MTDH: variants seen among roughly 807,000 people sequenced by gnomAD.
MTDH encodes the protein protein LYRIC.
In MTDH, 34 loss-of-function variants were observed where a neutral mutation model predicts 72.7. That is an observed-to-expected ratio of 0.47 (90% CI 0.36 to 0.62). MTDH has a LOEUF of 0.62. Ranked by LOEUF, MTDH falls within the 20% of genes least tolerant of loss-of-function variation. MTDH has a pLI of 0.00. For missense variants in MTDH, 677 were observed against 699.4 expected (o/e 0.97, Z 0.36); for synonymous variants, 266 against 268.9 (o/e 0.99, Z 0.10).
At chr8:97,709,748 A>G (rs1362975309) in intron 8 of MTDH, among the ~76,000 whole-genome samples, 1 of 152,208 alleles carries the variant, frequency 6.6e-6, no homozygotes, top group African/African-American at 2.4e-5. Context: ...GTTGTTCACA[A>G]TTTTGGTTAC....
intron 1 of MTDH, among the ~76,000 whole-genome samples, chr8:97,650,177 C>T (rs557018899): frequency 4.9e-5 from 7 of 143,168 alleles, no homozygotes; most frequent in East Asian, 2.2e-4. Context: ...AGGATGGTCT[C>T]GATTTCCTGA....
intron 8 of MTDH, among the ~76,000 whole-genome samples, chr8:97,711,128 G>A (rs1013693189): frequency 7.9e-5 from 12 of 152,130 alleles, no homozygotes; most frequent in Non-Finnish European, 5.9e-5. Flanking sequence ...TATTTTCAAT[G>A]ACATGACCTC....
chr8:97,659,078 G>A (rs575156981), intron 1 of MTDH, among the ~76,000 whole-genome samples: 10 of 152,048 alleles, frequency 6.6e-5, no homozygotes, highest in African/African-American at 2.4e-4. Flanking sequence ...AGGAGGCAGA[G>A]CTTGCAGTGA....
At chr8:97,650,902 A>G (rs1446448340) in intron 1 of MTDH, among the ~76,000 whole-genome samples, 1 of 152,056 alleles carries the variant, frequency 6.6e-6, no homozygotes, top group African/African-American at 2.4e-5. Context: ...GCTATGCCAT[A>G]TTGTTTAGAT....
At chr8:97,697,750 G>A (rs752357963) in intron 6 of MTDH, among the ~76,000 whole-genome samples, 23 of 151,938 alleles carry the variant, frequency 1.5e-4, no homozygotes, top group South Asian at 4.1e-4. Flanking sequence ...TATAAAAACC[G>A]GATGGTTGGA....
At position 97,717,622 on chromosome 8, in the gene MTDH, TCC is replaced by T. The variant is rs35043860; in HGVS notation, c.1381-1416_1381-1415del. On this transcript the variant is annotated intron_variant, in intron 9 of 11. Transcript: ENST00000336273. The stretch of plus-strand genomic sequence containing the variant: ...ATTCTTTATGTATAATAAATTTTTA[TCC>T]CCCCCCCCCCAAAAATGGAAATCTT... Among the ~76,000 whole-genome samples the T allele has an allele frequency of 4.8e-3, 631 of 132,814 alleles. 3 individuals carry two copies. The highest frequency in any genetic ancestry group is 0.014 in the African/African-American group (514 of 36,368). The allele number at this position is 132,814 out of a possible 152,430, so 87.1% of individuals were successfully genotyped here. A position where few individuals can be genotyped will look rare whatever the true frequency, so the allele number is the denominator to read the frequency against.
At chr8:97,723,121 A>G (rs889267425) in intron 11 of MTDH, 86 bp downstream of exon 11, 8 of 1,410,110 alleles carry the variant, frequency 5.7e-6, no homozygotes, top group Middle Eastern at 1.9e-4. Context: ...AATGGAGGCC[A>G]GGCGCAGTGG....
chr8:97,685,073 A>G (rs979052120), intron 2 of MTDH, among the ~76,000 whole-genome samples: 3 of 152,208 alleles, frequency 2.0e-5, no homozygotes, highest in Admixed American at 2.0e-4. Flanking sequence ...CTCAAAAAAA[A>G]CCAAAAAATA....
intron 1 of MTDH, among the ~76,000 whole-genome samples, chr8:97,653,224 A>C (rs1385497875): frequency 2.0e-5 from 3 of 152,258 alleles, no homozygotes; most frequent in African/African-American, 7.2e-5. Context: ...AGATTCAGAA[A>C]AATTAACTGA....
At chr8:97,696,368 AATC>A (rs1294764034) in intron 6 of MTDH, 2 of 655,462 alleles carry the variant, frequency 3.1e-6, no homozygotes, top group East Asian at 1.4e-4. Context: ...TTGAAAAACT[AATC>A]AACATCAAGT....
At chr8:97,714,604 C>CA (rs1312798896) in intron 9 of MTDH, among the ~76,000 whole-genome samples, 4,608 of 123,730 alleles carry the variant, frequency 0.037, 134 homozygotes, top group African/African-American at 0.092. Context: ...GAACCTGTCT[C>CA]AAAAAAAAAA....
At chr8:97,682,264 A>ATG (rs1813153746) in intron 2 of MTDH, among the ~76,000 whole-genome samples, 1 of 5,648 alleles carries the variant, frequency 1.8e-4, no homozygotes, top group African/African-American at 7.6e-4. Flanking sequence ...ATATATATAT[A>ATG]TATATATATA....
At position 97,700,680 on chromosome 8, in the gene MTDH, A is replaced by G. The variant is rs1814081941; in HGVS notation, c.1147+828A>G. ...TATTATCTCATTTAATGCTTAAAAC[A>G]TTTCTATGTGGTAGGTTTTATTTGT... On this transcript the variant is annotated intron_variant, in intron 7 of 11. Coordinates refer to ENST00000336273, the MANE Select transcript of MTDH (RefSeq NM_178812.4). 3.3e-5 allele frequency among the ~76,000 whole-genome samples: 5 copies of G among 152,320 alleles called. No individual in the cohort carries two copies. In the South Asian group the frequency reaches 1.0e-3, roughly 32 times the overall value.
At chr8:97,723,287 A>G (rs1815209958) in intron 11 of MTDH, among the ~76,000 whole-genome samples, 1 of 151,162 alleles carries the variant, frequency 6.6e-6, no homozygotes, top group Non-Finnish European at 1.5e-5. Context: ...AGTCCCAGCT[A>G]CTCGGGAGGC....
intron 1 of MTDH, among the ~76,000 whole-genome samples, chr8:97,649,728 C>T (rs988616185): frequency 1.3e-5 from 2 of 151,690 alleles, no homozygotes; most frequent in Non-Finnish European, 2.9e-5. Context: ...CTCAGCCCCT[C>T]GAGTGGCTGG....
chr8:97,719,312 G>A, intron 10 of MTDH, 123 bp downstream of exon 10: 1 of 912,182 alleles, frequency 1.1e-6, no homozygotes, highest in Non-Finnish European at 1.6e-6. Flanking sequence ...GGCCAACATA[G>A]TGAAACCCCG....
chr8:97,678,591 C>CTTATTT, intron 2 of MTDH, among the ~76,000 whole-genome samples: 2 of 108,844 alleles, frequency 1.8e-5, no homozygotes, highest in Non-Finnish European at 1.9e-5. Flanking sequence ...TCCTTCCTTC[C>CTTATTT]TTCTTTTTTT....
At chr8:97,708,264 CTTTTTTTTTTTTTTTTTTT>C (rs71271145) in intron 8 of MTDH, among the ~76,000 whole-genome samples, 11 of 32,070 alleles carry the variant, frequency 3.4e-4, no homozygotes, top group East Asian at 2.2e-3. Context: ...CATGCCAGGC[CTTTTTTTTTTTTTTTTTTT>C]TTTTTTTTTT....
At chr8:97,718,877 G>A (rs1223537805) in intron 9 of MTDH, among the ~76,000 whole-genome samples, 172 bp from the exon 10 acceptor site, 1 of 149,770 alleles carries the variant, frequency 6.7e-6, no homozygotes, top group African/African-American at 2.5e-5. Context: ...TTGTATTTTT[G>A]TAGAGACAGG....
Sources: allele counts gnomAD v4.1 joint callset (sites outside exome capture counted in the v4.1 genomes callset), GRCh38; gene constraint gnomAD v4.1.1; transcripts MANE v1.5; gene names NCBI Gene and HGNC (gene_info 2026-07-23, HGNC 2026-07-21).